Variants in FRMD3 observed in about 807,000 individuals in gnomAD.
FRMD3 encodes the protein FERM domain-containing protein 3.
Under a neutral mutation model 70.2 loss-of-function variants are expected in FRMD3, and 33 were observed. The observed-to-expected ratio is 0.47, with a 90% CI of 0.36 to 0.63. FRMD3 has a LOEUF of 0.63. FRMD3 is among the 20% of genes least tolerant of loss of function. The pLI, the probability that FRMD3 is intolerant of heterozygous loss-of-function variation, is 0.00. For missense variants in FRMD3, 632 were observed against 711.4 expected, an observed-to-expected ratio of 0.89 and a Z score of 1.27; for synonymous variants, 279 against 255.9, an observed-to-expected ratio of 1.09 and a Z score of -0.86.
chr9:83,427,598 C>T (rs1826847564), intron 1 of FRMD3, among the ~76,000 whole-genome samples: 1 of 152,024 alleles, frequency 6.6e-6, no homozygotes, highest in Admixed American at 6.6e-5. Context: ...AGTTCTCTGA[C>T]AGATGAAAGT....
intron 1 of FRMD3, among the ~76,000 whole-genome samples, chr9:83,405,627 G>A (rs944592950): frequency 5.3e-5 from 8 of 151,308 alleles, no homozygotes; most frequent in Admixed American, 2.0e-4. Context: ...AAAATTAGCC[G>A]GGCATGGTGG....
intron 12 of FRMD3, among the ~76,000 whole-genome samples, chr9:83,293,700 A>C (rs548583756): frequency 6.6e-6 from 1 of 152,332 alleles, no homozygotes; most frequent in African/African-American, 2.4e-5. Flanking sequence ...GGAGGATGCC[A>C]GCTCGGCCCC....
chr9:83,408,662 C>T (rs1399191351), intron 1 of FRMD3, among the ~76,000 whole-genome samples: 5 of 152,228 alleles, frequency 3.3e-5, no homozygotes, highest in African/African-American at 9.6e-5. Context: ...TGGGAACTGA[C>T]CTTGGTGTCA....
chr9:83,414,405 C>T (rs1466487712), intron 1 of FRMD3, among the ~76,000 whole-genome samples: 1 of 152,048 alleles, frequency 6.6e-6, no homozygotes, highest in Non-Finnish European at 1.5e-5. Flanking sequence ...AAGAGTACAT[C>T]ATCATGAGTT....
At chr9:83,562,649 C>A in the FRMD3 span, among the ~76,000 whole-genome samples, 2 of 152,190 alleles carry the variant, frequency 1.3e-5, no homozygotes, top group African/African-American at 4.8e-5. Context: ...TTAGCCATTT[C>A]CAGATATTGA....
chr9:83,421,811 TAAGGAGTTG>T (rs1275837982), intron 1 of FRMD3, among the ~76,000 whole-genome samples: 1 of 152,182 alleles, frequency 6.6e-6, no homozygotes, highest in East Asian at 1.9e-4. Flanking sequence ...ATCTTAAATG[TAAGGAGTTG>T]GAGGTCAAAC....
chr9:83,381,989 T>C (rs974876213), intron 2 of FRMD3, among the ~76,000 whole-genome samples: 1 of 151,950 alleles, frequency 6.6e-6, no homozygotes, highest in Non-Finnish European at 1.5e-5. Flanking sequence ...TGCCAGTCCC[T>C]ACTCCCAAGA....
chr9:83,423,838 C>T (rs764479684), intron 1 of FRMD3, among the ~76,000 whole-genome samples: 1 of 151,932 alleles, frequency 6.6e-6, no homozygotes, highest in Non-Finnish European at 1.5e-5. Flanking sequence ...TCAGGTGATC[C>T]ACTTGCCGCT....
At chr9:83,285,490 T>C (rs533297582) in intron 13 of FRMD3, among the ~76,000 whole-genome samples, 1 of 152,286 alleles carries the variant, frequency 6.6e-6, no homozygotes, top group African/African-American at 2.4e-5. Context: ...AAAACAAATA[T>C]TTTCAACTCT....
intron 1 of FRMD3, among the ~76,000 whole-genome samples, chr9:83,432,306 A>T (rs1041811879): frequency 4.6e-5 from 7 of 152,234 alleles, no homozygotes. Context: ...CCACTGAGCC[A>T]GGAGCCAAGT....
intron 1 of FRMD3, among the ~76,000 whole-genome samples, chr9:83,476,921 T>C (rs1467708034): frequency 2.0e-5 from 3 of 152,222 alleles, no homozygotes; most frequent in Non-Finnish European, 4.4e-5. Flanking sequence ...CCTTTTCTCC[T>C]AGATTTTATG....
chr9:83,522,724 C>A (rs1265886662), intron 1 of FRMD3, among the ~76,000 whole-genome samples: 1 of 151,786 alleles, frequency 6.6e-6, no homozygotes. Context: ...CCACCCCGCC[C>A]GGCTAATTTT....
At chr9:83,573,923 A>G in the FRMD3 span, among the ~76,000 whole-genome samples, 2 of 152,172 alleles carry the variant, frequency 1.3e-5, no homozygotes, top group South Asian at 2.1e-4. Flanking sequence ...TTTTCAAAAC[A>G]TGGCTGCTGA....
chr9:83,283,261 T>C (rs1244821927), intron 13 of FRMD3, among the ~76,000 whole-genome samples: 1 of 152,118 alleles, frequency 6.6e-6, no homozygotes, highest in African/African-American at 2.4e-5. Flanking sequence ...CCGGGCGCGG[T>C]GGTTCACGCC....
At chr9:83,496,646 T>TA (rs11329291) in intron 1 of FRMD3, among the ~76,000 whole-genome samples, 29 of 151,198 alleles carry the variant, frequency 1.9e-4, no homozygotes, top group East Asian at 7.8e-4. Flanking sequence ...GAAAGCAGAT[T>TA]AAAAAAAAAA....
At chr9:83,397,641 G>A in intron 1 of FRMD3, among the ~76,000 whole-genome samples, 1 of 152,192 alleles carries the variant, frequency 6.6e-6, no homozygotes, top group Non-Finnish European at 1.5e-5. Flanking sequence ...AACAGAAGTG[G>A]GAGCTGTGAG....
At chr9:83,511,528 TACTC>T (rs956775681) in intron 1 of FRMD3, among the ~76,000 whole-genome samples, 68 of 152,086 alleles carry the variant, frequency 4.5e-4, no homozygotes, top group African/African-American at 1.6e-3. Context: ...AAAATAAAAA[TACTC>T]ACAAGCACCA....
In FRMD3 at chr9:83,248,433, G is replaced by GA. The variant is rs752341767; in HGVS notation, c.1278dup (p.Pro427SerfsTer3). On this transcript the variant is annotated frameshift_variant, in exon 14 of 14. Transcript: ENST00000304195. LOFTEE classifies it high-confidence loss of function. ...ATTTTATCTTCCTCTTCACTAGGGG[G>GA]ATCTTCATACTCCCGGGCTGCCTTC... is the stretch of plus-strand genomic sequence containing the variant. 1 of 1,614,086 alleles carries GA rather than the reference G, an allele frequency of 6.2e-7. No homozygotes were observed. The highest frequency in any genetic ancestry group is 8.5e-7 in the Non-Finnish European group (1 of 1,180,022).
intron 3 of FRMD3, among the ~76,000 whole-genome samples, chr9:83,350,318 G>A (rs1824103587): frequency 6.6e-6 from 1 of 152,142 alleles, no homozygotes. Flanking sequence ...GCAGTCACCT[G>A]TATGAAAATA....
Sources: gnomAD v4.1 joint callset for allele counts (sites outside exome capture counted in the v4.1 genomes callset) on GRCh38, gnomAD v4.1.1 for gene constraint, MANE v1.5 for transcripts, NCBI Gene and HGNC (gene_info 2026-07-23, HGNC 2026-07-21) for gene names.